The following PTPRM variants were observed in gnomAD, a reference collection of about 807,000 sequenced individuals.
PTPRM encodes receptor-type tyrosine-protein phosphatase mu.
PTPRM carries 47 observed loss-of-function variants against 186.7 expected under a neutral mutation model. The ratio of observed to expected loss-of-function variants is 0.25; its 90% CI spans 0.20 to 0.32. The LOEUF is 0.32. PTPRM is among the 10% of genes least tolerant of loss of function. The probability of loss-of-function intolerance (pLI) is 1.00; values close to 1 mark genes in which losing one functional copy is unlikely to be tolerated. For missense variants in PTPRM, 1,494 were observed against 1,865.0 expected (o/e 0.80, Z 3.66); for synonymous variants, 668 against 674.9 (o/e 0.99, Z 0.16).
chr18:8,185,045 T>C (rs766949900), intron 14 of PTPRM, among the ~76,000 whole-genome samples: 4 of 152,192 alleles, frequency 2.6e-5, no homozygotes, highest in Non-Finnish European at 4.4e-5. Flanking sequence ...TTAGTTGCTG[T>C]AGTTTTGAGA....
intron 14 of PTPRM, among the ~76,000 whole-genome samples, chr18:8,212,976 T>C (rs1340534384): frequency 1.3e-5 from 2 of 152,290 alleles, no homozygotes; most frequent in Non-Finnish European, 1.5e-5. Context: ...TCATGCAGTA[T>C]TCCAGAAGAC....
chr18:7,842,932 A>G lies in PTPRM; in HGVS notation c.197-45174A>G, dbSNP rs201801924. Reference sequence around the variant, plus strand: ...CATATGTGTGTGTGTGTGTGTGTGTATATATATATATATATAGAGAGAGAG... The same window carrying G: ...CATATGTGTGTGTGTGTGTGTGTGTGTATATATATATATATAGAGAGAGAG... On this transcript the variant is annotated intron_variant, in intron 2 of 32. Transcript: ENST00000580170. Among the ~76,000 whole-genome samples, 257 of 100,798 alleles carry G rather than the reference A, an allele frequency of 2.5e-3. 2 individuals are homozygous for G. The highest frequency in any genetic ancestry group is 3.3e-3 in the African/African-American group (64 of 19,198). The allele number at this position is 100,798 out of a possible 152,430, so 66.1% of individuals were successfully genotyped here. A position where few individuals can be genotyped will look rare whatever the true frequency, so the allele number is the denominator to read the frequency against.
intron 13 of PTPRM, among the ~76,000 whole-genome samples, chr18:8,138,963 G>A (rs1270105153): frequency 6.6e-6 from 1 of 151,806 alleles, no homozygotes; most frequent in Non-Finnish European, 1.5e-5. Context: ...CATCCTCCTT[G>A]ACCCGCCATT....
chr18:7,664,620 C>T (rs1428090890), intron 1 of PTPRM, among the ~76,000 whole-genome samples: 1 of 152,130 alleles, frequency 6.6e-6, no homozygotes, highest in Non-Finnish European at 1.5e-5. Flanking sequence ...CTGGGCTTTC[C>T]TTGCAGCGTG....
rs148480359 is a variant in PTPRM at position 7,719,196 on chromosome 18, T to C, written c.74-54953T>C. 1.7e-3 allele frequency among the ~76,000 whole-genome samples: 261 copies of C among 152,276 alleles called. 1 individual carries two copies. The highest frequency in any genetic ancestry group is 6.1e-3 in the African/African-American group (255 of 41,550). On this transcript the variant is annotated intron_variant, in intron 1 of 32. Transcript: ENST00000580170. The stretch of plus-strand genomic sequence containing the variant: ...TAAAGAAAATGTGCTATGTATACAC[T>C]GGGAATACAACTCAGCCATAAAATG...
chr18:7,608,074 T>C (rs951589197), intron 1 of PTPRM, among the ~76,000 whole-genome samples: 1 of 152,174 alleles, frequency 6.6e-6, no homozygotes, highest in Non-Finnish European at 1.5e-5. Context: ...GACAAGATGC[T>C]GGGAAGGCAG....
At chr18:8,073,398 G>C (rs115115881) in intron 8 of PTPRM, among the ~76,000 whole-genome samples, 4,515 of 152,304 alleles carry the variant, frequency 0.03, 147 homozygotes, top group African/African-American at 0.079. Flanking sequence ...AAGAGACTTA[G>C]TCGAGTTTTC....
intron 19 of PTPRM, among the ~76,000 whole-genome samples, chr18:8,290,443 A>C (rs1056150653): frequency 3.3e-5 from 5 of 151,618 alleles, no homozygotes; most frequent in African/African-American, 1.2e-4. Flanking sequence ...TTTTTAACAG[A>C]CTGCATCGTT....
At chr18:8,298,171 C>T (rs2095117386) in intron 20 of PTPRM, among the ~76,000 whole-genome samples, 1 of 152,186 alleles carries the variant, frequency 6.6e-6, no homozygotes. Flanking sequence ...GTTTCTTGGT[C>T]TATCTAGACT....
chr18:7,813,001 T>G (rs1354552145), intron 2 of PTPRM, among the ~76,000 whole-genome samples: 1 of 152,204 alleles, frequency 6.6e-6, no homozygotes, highest in Non-Finnish European at 1.5e-5. Flanking sequence ...CACCTAGCAG[T>G]GCCTTAGCCA....
intron 14 of PTPRM, among the ~76,000 whole-genome samples, chr18:8,214,083 G>A (rs1263110604): frequency 6.6e-6 from 1 of 152,046 alleles, no homozygotes; most frequent in African/African-American, 2.4e-5. Context: ...CAGACAGAAT[G>A]GTATAATGGA....
At chr18:8,003,400 A>G (rs2083987590) in intron 7 of PTPRM, among the ~76,000 whole-genome samples, 1 of 152,204 alleles carries the variant, frequency 6.6e-6, no homozygotes, top group South Asian at 2.1e-4. Flanking sequence ...AGTCTTGGGT[A>G]TATGTTTATT....
chr18:7,912,151 C>T (rs1433283118), intron 4 of PTPRM, among the ~76,000 whole-genome samples: 1 of 152,058 alleles, frequency 6.6e-6, no homozygotes, highest in African/African-American at 2.4e-5. Flanking sequence ...TGTGCCCGTC[C>T]TATAGTTTCA....
At chr18:7,806,082 G>A (rs1331995348) in intron 2 of PTPRM, among the ~76,000 whole-genome samples, 4 of 152,162 alleles carry the variant, frequency 2.6e-5, no homozygotes, top group African/African-American at 9.7e-5. Context: ...ACCAGAAGTG[G>A]GCTGAGACTT....
intron 3 of PTPRM, among the ~76,000 whole-genome samples, chr18:7,897,683 A>G (rs569313853): frequency 1.3e-5 from 2 of 152,316 alleles, no homozygotes; most frequent in African/African-American, 4.8e-5. Context: ...TGTACTTCTT[A>G]TGTGATGATA....
At chr18:7,682,760 G>A (rs2039507912) in intron 1 of PTPRM, among the ~76,000 whole-genome samples, 1 of 152,142 alleles carries the variant, frequency 6.6e-6, no homozygotes, top group Non-Finnish European at 1.5e-5. Context: ...TGCTGAAGGG[G>A]CTTGGAGGAA....
At chr18:7,669,713 C>G (rs1378282560) in intron 1 of PTPRM, among the ~76,000 whole-genome samples, 1 of 151,968 alleles carries the variant, frequency 6.6e-6, no homozygotes, top group African/African-American at 2.4e-5. Flanking sequence ...GGAGAGAATG[C>G]ATGCTATCTT....
chr18:7,578,552 G>A (rs895083197), intron 1 of PTPRM, among the ~76,000 whole-genome samples: 1 of 151,848 alleles, frequency 6.6e-6, no homozygotes, highest in East Asian at 1.9e-4. Flanking sequence ...AGCCAGGATG[G>A]TCTCGATCTC....
At chr18:8,343,092 T>C (rs1408706107) in intron 22 of PTPRM, among the ~76,000 whole-genome samples, 1 of 151,814 alleles carries the variant, frequency 6.6e-6, no homozygotes, top group African/African-American at 2.4e-5. Flanking sequence ...TTATCTATTT[T>C]TTAAAATTTC....
Sources: gnomAD v4.1 joint callset for allele counts (sites outside exome capture counted in the v4.1 genomes callset) on GRCh38, gnomAD v4.1.1 for gene constraint, MANE v1.5 for transcripts, NCBI Gene and HGNC (gene_info 2026-07-23, HGNC 2026-07-21) for gene names.